The following ANK3 variants were observed in gnomAD, a reference collection of about 807,000 sequenced individuals.
ANK3 encodes the protein ankyrin-3.
ANK3 carries 57 observed loss-of-function variants against 370.9 expected under a neutral mutation model. The observed-to-expected ratio is 0.15, with a 90% CI of 0.12 to 0.19. ANK3 has a LOEUF of 0.19. ANK3 is among the 10% of genes least tolerant of loss of function. The pLI, the probability that ANK3 is intolerant of heterozygous loss-of-function variation, is 1.00. For synonymous variants in ANK3, 1,929 were observed against 1,946.3 expected (o/e 0.99, Z 0.23); for missense variants, 4,439 against 5,302.1 (o/e 0.84, Z 5.06).
At chr10:60,337,802 C>G (rs1444663082) in intron 1 of ANK3, among the ~76,000 whole-genome samples, 3 of 152,182 alleles carry the variant, frequency 2.0e-5, no homozygotes, top group Non-Finnish European at 2.9e-5. Flanking sequence ...ACAAGTAATT[C>G]TTATTACTCA....
intron 2 of ANK3, among the ~76,000 whole-genome samples, chr10:60,515,139 T>C (rs1457949908): frequency 6.6e-6 from 1 of 152,150 alleles, no homozygotes; most frequent in Non-Finnish European, 1.5e-5. Context: ...AGGTAATGTG[T>C]TATATTAGAC....
At chr10:60,188,042 CT>C (rs2096389396) in intron 16 of ANK3, among the ~76,000 whole-genome samples, 1 of 152,140 alleles carries the variant, frequency 6.6e-6, no homozygotes, top group Admixed American at 6.5e-5. Flanking sequence ...TATCTGTCCC[CT>C]CCTACTAAAT....
chr10:60,452,482 C>T (rs144545018), intron 2 of ANK3, among the ~76,000 whole-genome samples: 21 of 152,330 alleles, frequency 1.4e-4, no homozygotes, highest in Non-Finnish European at 2.6e-4. Context: ...ACCCTATCTT[C>T]AGTGAACTAA....
chr10:60,221,326 C>G (rs2097053535), intron 8 of ANK3, among the ~76,000 whole-genome samples: 2 of 152,110 alleles, frequency 1.3e-5, no homozygotes, highest in African/African-American at 4.8e-5. Context: ...GTGATCCTCC[C>G]ACCTCAGTCT....
At chr10:60,707,709 T>C (rs142938888) in intron 1 of ANK3, among the ~76,000 whole-genome samples, 2 of 152,158 alleles carry the variant, frequency 1.3e-5, no homozygotes, top group Non-Finnish European at 2.9e-5. Flanking sequence ...TTGCATATTA[T>C]GAGTTTTTTT....
chr10:60,360,394 T>C (rs774651016), intron 1 of ANK3, among the ~76,000 whole-genome samples: 6 of 152,198 alleles, frequency 3.9e-5, no homozygotes, highest in Non-Finnish European at 7.3e-5. Flanking sequence ...TATTTCTTAC[T>C]ATGTGAAGAG....
At chr10:60,311,864 A>G (rs186368483) in intron 1 of ANK3, among the ~76,000 whole-genome samples, 115 of 152,250 alleles carry the variant, frequency 7.6e-4, no homozygotes, top group African/African-American at 2.7e-3. Flanking sequence ...TGAAATCACT[A>G]CCATATCACC....
intron 1 of ANK3, among the ~76,000 whole-genome samples, chr10:60,378,479 T>C (rs542114639): frequency 2.7e-5 from 4 of 150,482 alleles, no homozygotes; most frequent in Admixed American, 6.6e-5. Flanking sequence ...AACAGCATGA[T>C]ACTGGCATAA....
intron 8 of ANK3, among the ~76,000 whole-genome samples, chr10:60,228,681 G>T (rs1170113400): frequency 3.9e-5 from 6 of 152,102 alleles, no homozygotes; most frequent in Non-Finnish European, 7.4e-5. Context: ...AGGAAGGAGG[G>T]TAATTAAAGA....
chr10:60,718,722 TA>T (rs1469549681), intron 1 of ANK3, among the ~76,000 whole-genome samples: 2 of 152,110 alleles, frequency 1.3e-5, no homozygotes, highest in Admixed American at 6.6e-5. Context: ...TTATTTCACT[TA>T]AAAAAATTTT....
rs61847579 is a variant in ANK3 at position 60,434,391 on chromosome 10, A to G, written c.97-154752T>C. 1.6e-4 allele frequency among the ~76,000 whole-genome samples: 24 copies of G among 152,296 alleles called. No individual in the cohort carries two copies. In the South Asian group the frequency reaches 4.6e-3, roughly 29 times the overall value. ...ATATGGCATTTAAATCAAATCACAC[A>G]TTGAATAGAGTACATGAAGTCACTA... On this transcript the variant is annotated intron_variant, in intron 2 of 43. Coordinates refer to the ANK3 transcript ENST00000373827.
At chr10:60,126,601 C>G (rs1241409991) in intron 25 of ANK3, among the ~76,000 whole-genome samples, 1 of 151,610 alleles carries the variant, frequency 6.6e-6, no homozygotes, top group African/African-American at 2.4e-5. Context: ...GGCATGAAAA[C>G]TGCTTGAATC....
chr10:60,483,386 C>T (rs893378093), intron 2 of ANK3, among the ~76,000 whole-genome samples: 1 of 152,138 alleles, frequency 6.6e-6, no homozygotes, highest in Non-Finnish European at 1.5e-5. Flanking sequence ...ATGGGATTTT[C>T]ATCAAATATA....
intron 18 of ANK3, among the ~76,000 whole-genome samples, chr10:60,176,783 TAAAC>T (rs1210055943): frequency 1.3e-5 from 2 of 151,890 alleles, no homozygotes; most frequent in Admixed American, 1.3e-4. Flanking sequence ...ATAAATAAAA[TAAAC>T]AAAAACAAAC....
intron 23 of ANK3, among the ~76,000 whole-genome samples, chr10:60,154,533 C>T (rs1025776553): frequency 6.6e-6 from 1 of 152,196 alleles, no homozygotes; most frequent in Non-Finnish European, 1.5e-5. Context: ...GTGCCTCACG[C>T]CTGTAATCCC....
chr10:60,228,648 C>A (rs1293445098), intron 8 of ANK3, among the ~76,000 whole-genome samples: 1 of 151,738 alleles, frequency 6.6e-6, no homozygotes, highest in Non-Finnish European at 1.5e-5. Context: ...CTAATAACTT[C>A]TTTTATCTTT....
intron 8 of ANK3, among the ~76,000 whole-genome samples, chr10:60,225,337 T>A (rs1253971762): frequency 6.6e-6 from 1 of 152,176 alleles, no homozygotes; most frequent in Non-Finnish European, 1.5e-5. Flanking sequence ...TCCTCTATGA[T>A]ATAGGCACAT....
At chr10:60,515,662 T>A (rs1595185473) in intron 2 of ANK3, among the ~76,000 whole-genome samples, 1 of 152,138 alleles carries the variant, frequency 6.6e-6, no homozygotes, top group African/African-American at 2.4e-5. Flanking sequence ...CAACACCAAG[T>A]TCCATCCTTG....
Position 60,196,543 on chromosome 10 carries a change from G to A in ANK3, c.1772C>T (p.Pro591Leu). The change falls in exon 15 of 44, where the codon CCA (proline) becomes CTA (leucine). Residue 591 changes from proline to leucine, a missense_variant. By Grantham distance (98) the Pro-to-Leu change is moderately conservative. Around this residue, in one of 13 missense-constraint regions of ANK3, gnomAD observed 192 missense variants for 192.1 expected, o/e 1.00. Coordinates refer to ENST00000280772, the MANE Select transcript of ANK3 (RefSeq NM_020987.5). ...ANLLLQKSAS[P>L]DAAGKSGLTP... ...ACCTCTTACCTTCCCAGCAGCATCT[G>A]GAGATGCACTTTTCTGTAGCAGGAG... The A allele has an allele frequency of 1.2e-6, 2 of 1,612,010 alleles. No homozygotes were observed. The highest frequency in any genetic ancestry group is 8.5e-7 in the Non-Finnish European group (1 of 1,178,734).
Sources: allele counts gnomAD v4.1 joint callset (sites outside exome capture counted in the v4.1 genomes callset), GRCh38; gene constraint gnomAD v4.1.1; regional missense constraint gnomAD v4.1.1; transcripts MANE v1.5; gene names NCBI Gene and HGNC (gene_info 2026-07-23, HGNC 2026-07-21).